DAAM2: variants seen among roughly 807,000 people sequenced by gnomAD.
The protein encoded by DAAM2 is dishevelled associated activator of morphogenesis 2, also known as disheveled-associated activator of morphogenesis 2.
In DAAM2, 39 loss-of-function variants were observed where a neutral mutation model predicts 120.7. The observed-to-expected ratio is 0.32, with a 90% CI of 0.25 to 0.42. DAAM2 has a LOEUF of 0.42. DAAM2 is among the 10% of genes least tolerant of loss of function. DAAM2 has a pLI of 1.00. For synonymous variants in DAAM2, 488 were observed against 524.9 expected (o/e 0.93, Z 0.96); for missense variants, 1,283 against 1,401.7 (o/e 0.92, Z 1.35).
At chr6:39,809,745 T>C (rs967899244) in intron 1 of DAAM2, among the ~76,000 whole-genome samples, 1 of 152,212 alleles carries the variant, frequency 6.6e-6, no homozygotes, top group Admixed American at 6.5e-5. Context: ...TTCCATGGTA[T>C]ACCCCACAGA....
chr6:39,856,201 A>G (rs543979327), intron 1 of DAAM2, 46 bp from the exon 2 acceptor site: 3 of 1,335,632 alleles, frequency 2.2e-6, no homozygotes, highest in African/African-American at 3.1e-5. Flanking sequence ...GCCCTGGCCT[A>G]TCTGACTGTA....
intron 9 of DAAM2, 32 bp from the exon 10 acceptor site, chr6:39,873,206 C>G: frequency 1.4e-6 from 2 of 1,406,332 alleles, no homozygotes; most frequent in Non-Finnish European, 1.0e-6. Flanking sequence ...CTGCTGCCTA[C>G]CCACTGATCA....
At chr6:39,884,527 A>G (rs1022914577) in intron 15 of DAAM2, 3 of 159,178 alleles carry the variant, frequency 1.9e-5, no homozygotes, top group African/African-American at 7.2e-5. Context: ...TTGTCTGTCA[A>G]CACCTCTATG....
chr6:39,904,526 G>A lies in DAAM2; in HGVS notation c.*2489G>A, dbSNP rs372656380. ...TAATTTTGTGGCCAATGTAAAATTC[G>A]TCATCAACCTAACAAACACAACCTT... On this transcript the variant is annotated 3_prime_UTR_variant, in exon 25 of 25. Transcript: ENST00000274867. 2.0e-4 allele frequency: 90 copies of A among 454,232 alleles called. No individual in the cohort carries two copies. Among genetic ancestry groups the A allele is most frequent in the African/African-American group, 1.2e-3 (58 of 50,070 alleles). The allele number at this position is 454,232 out of a possible 1,614,324, so 28.1% of individuals were successfully genotyped here. A position where few individuals can be genotyped will look rare whatever the true frequency, so the allele number is the denominator to read the frequency against.
At chr6:39,826,667 A>G (rs1170717472) in intron 1 of DAAM2, among the ~76,000 whole-genome samples, 1 of 152,158 alleles carries the variant, frequency 6.6e-6, no homozygotes, top group Non-Finnish European at 1.5e-5. Context: ...TTCACTTCAT[A>G]TTAGGACTGT....
intron 1 of DAAM2, among the ~76,000 whole-genome samples, chr6:39,813,301 C>T (rs568176015): frequency 1.1e-4 from 17 of 152,094 alleles, no homozygotes; most frequent in African/African-American, 3.4e-4. Flanking sequence ...GAATCATAGG[C>T]GATGAGTCTG....
In DAAM2 at chr6:39,846,393, G is replaced by T. The variant is rs1241738440; in HGVS notation, c.-56-9854G>T. Reference sequence around the variant, plus strand: ...CACAGATTCTAGTGATGGGGTAGAAGAAACTACTAGACAATATGTAGTTTG... The same window carrying T: ...CACAGATTCTAGTGATGGGGTAGAATAAACTACTAGACAATATGTAGTTTG... On this transcript the variant is annotated intron_variant, in intron 1 of 24. Coordinates refer to ENST00000274867, the MANE Select transcript of DAAM2 (RefSeq NM_001201427.2). Among the ~76,000 whole-genome samples, 4 of 152,194 alleles carry T rather than the reference G, an allele frequency of 2.6e-5. No individual in the cohort carries two copies. In the South Asian group the frequency reaches 6.2e-4, roughly 24 times the overall value.
intron 7 of DAAM2, among the ~76,000 whole-genome samples, chr6:39,869,642 G>A (rs962715597): frequency 7.3e-5 from 11 of 151,598 alleles, no homozygotes; most frequent in Admixed American, 2.6e-4. Context: ...GCAGGTGAAC[G>A]TTCCAAATTC....
intron 15 of DAAM2, chr6:39,885,631 C>G (rs1336191882): frequency 1.3e-5 from 2 of 152,334 alleles, no homozygotes; most frequent in African/African-American, 4.8e-5. Flanking sequence ...GTCCTGTCCC[C>G]CTCACCTCTC....
At chr6:39,874,932 A>T (rs904224238) in intron 10 of DAAM2, among the ~76,000 whole-genome samples, 1 of 152,062 alleles carries the variant, frequency 6.6e-6, no homozygotes, top group Non-Finnish European at 1.5e-5. Flanking sequence ...AATCTTTTTT[A>T]AAAAAAACTT....
chr6:39,807,836 T>TA (rs1762052929), intron 1 of DAAM2, among the ~76,000 whole-genome samples: 1 of 152,158 alleles, frequency 6.6e-6, no homozygotes, highest in Non-Finnish European at 1.5e-5. Flanking sequence ...ATTATTTATA[T>TA]TTTTTAGATA....
At chr6:39,890,150 A>G (rs750572418) in intron 17 of DAAM2, among the ~76,000 whole-genome samples, 1 of 152,100 alleles carries the variant, frequency 6.6e-6, no homozygotes, top group Non-Finnish European at 1.5e-5. Flanking sequence ...AAAATCATTA[A>G]AAGACACTGT....
At chr6:39,899,091 C>T (rs1431734904) in intron 22 of DAAM2, 154 bp downstream of exon 22, 1 of 645,320 alleles carries the variant, frequency 1.5e-6, no homozygotes, top group African/African-American at 1.8e-5. Context: ...ATTACTGGGG[C>T]TTAAGTTTGA....
In DAAM2 at chr6:39,891,315, G is replaced by A. The variant is rs182926335; in HGVS notation, c.2146-26G>A. On this transcript the variant is annotated intron_variant, in intron 17 of 24. Transcript: ENST00000274867. ...CATGTCTGCTGCTCACCAGTTGCTTGTGTGACTTGCGCCTGCTCTTTGCAG... is the reference window on the plus strand; with the variant it reads ...CATGTCTGCTGCTCACCAGTTGCTTATGTGACTTGCGCCTGCTCTTTGCAG... 1.1e-4 allele frequency: 177 copies of A among 1,550,844 alleles called. No individual in the cohort carries two copies. The African/African-American group carries it at 2.1e-3, about 19-fold the overall frequency.
chr6:39,795,133 A>G (rs1236757548), intron 1 of DAAM2, among the ~76,000 whole-genome samples: 2 of 152,168 alleles, frequency 1.3e-5, no homozygotes, highest in African/African-American at 2.4e-5. Flanking sequence ...AAGCCTTCTC[A>G]TGGCTCATTC....
In DAAM2 at chr6:39,901,852, C is replaced by T. The variant is rs573237647; in HGVS notation, c.3022C>T (p.Arg1008Trp). ...GGAACGTGAGCGGTGGCAGCGGCAG[C>T]GGAAGGTCCTGGCTGCAGGCAGCTC... ...QRERERWQRQ[R>W]KVLAAGSSLE... is the part of the protein sequence containing the mutation. The change falls in exon 25 of 25, where the codon CGG becomes TGG. Residue 1008 changes from arginine to tryptophan, a missense_variant. This residue lies in a region of DAAM2 where 748 missense variants were observed against 768.6 expected (regional missense o/e 0.97). Transcript: ENST00000274867. This position sits in a 1 kb window ranked among gnomAD's most constrained non-coding sequence, Gnocchi z 4.5. The T allele has an allele frequency of 2.3e-5, 36 of 1,569,234 alleles. No individual in the cohort carries two copies. Among genetic ancestry groups the T allele is most frequent in the African/African-American group, 2.7e-5 (2 of 73,682 alleles).
intron 15 of DAAM2, chr6:39,887,243 A>C (rs3003944): frequency 0.6 from 255,933 of 426,424 alleles, 78,284 homozygotes; most frequent in East Asian, 0.75. Flanking sequence ...AAAAAAATAA[A>C]AAAAATAGGA....
intron 1 of DAAM2, among the ~76,000 whole-genome samples, chr6:39,839,720 C>T (rs1038808600): frequency 5.9e-5 from 9 of 152,346 alleles, no homozygotes; most frequent in African/African-American, 2.2e-4. Flanking sequence ...TCCACACTGC[C>T]AGCAAATCGC....
At chr6:39,852,961 G>C (rs1302846267) in intron 1 of DAAM2, among the ~76,000 whole-genome samples, 1 of 152,172 alleles carries the variant, frequency 6.6e-6, no homozygotes, top group Non-Finnish European at 1.5e-5. Context: ...CTCTCTAGAG[G>C]GATTTCTAAA....
Sources: allele counts gnomAD v4.1 joint callset (sites outside exome capture counted in the v4.1 genomes callset), GRCh38; gene constraint gnomAD v4.1.1; regional missense constraint gnomAD v4.1.1; non-coding constraint Gnocchi (gnomAD v3.1); transcripts MANE v1.5; gene names NCBI Gene and HGNC (gene_info 2026-07-23, HGNC 2026-07-21).